The following SAMM50 variants were observed in gnomAD, a reference collection of about 807,000 sequenced individuals.
The protein encoded by SAMM50 is sorting and assembly machinery component 50 homolog.
A neutral mutation model predicts 66.9 loss-of-function variants in SAMM50; 47 were observed. The observed-to-expected ratio is 0.70, with a 90% confidence interval of 0.56 to 0.90. SAMM50 has a LOEUF of 0.90. Among genes scored for constraint, SAMM50 ranks in the 40% least tolerant of loss-of-function variants. SAMM50 has a pLI of 0.00. For synonymous variants in SAMM50, 191 were observed against 214.1 expected, an observed-to-expected ratio of 0.89 and a Z score of 0.94; for missense variants, 535 against 595.3, an observed-to-expected ratio of 0.90 and a Z score of 1.05.
At chr22:43,984,149 G>A (rs1042946127) in intron 12 of SAMM50, 149 bp downstream of exon 12, 2 of 616,778 alleles carry the variant, frequency 3.2e-6, no homozygotes, top group Non-Finnish European at 2.7e-6. Context: ...CCATGTAGCA[G>A]GTGTAGAACA....
chr22:43,996,461 C>T lies in SAMM50; in HGVS notation c.*78C>T, dbSNP rs937718666. On this transcript the variant is annotated 3_prime_UTR_variant, in exon 15 of 15. Coordinates refer to ENST00000350028, the MANE Select transcript of SAMM50 (RefSeq NM_015380.5). Reference sequence around the variant, plus strand: ...TGCCACACACCGTCTCTCGAGGAAACGCGGTTCAGCGATTCTTTGACTGCG... The same window carrying T: ...TGCCACACACCGTCTCTCGAGGAAATGCGGTTCAGCGATTCTTTGACTGCG... 4.5e-6 allele frequency: 6 copies of T among 1,347,206 alleles called. No homozygotes were observed. The highest frequency in any genetic ancestry group is 1.8e-4 in the Middle Eastern group (1 of 5,574). The allele number at this position is 1,347,206 out of a possible 1,614,324, so 83.5% of individuals were successfully genotyped here.
chr22:43,995,969 C>A (rs533359652), intron 14 of SAMM50, among the ~76,000 whole-genome samples: 77 of 152,310 alleles, frequency 5.1e-4, no homozygotes, highest in African/African-American at 1.8e-3. Context: ...TGCCTCTCCT[C>A]CATCCTCACT....
intron 14 of SAMM50, among the ~76,000 whole-genome samples, chr22:43,994,099 G>C (rs530087472): frequency 6.6e-6 from 1 of 152,134 alleles, no homozygotes; most frequent in African/African-American, 2.4e-5. Context: ...TGCTGAGAGG[G>C]CCCCCTGGAG....
At chr22:43,989,298 G>C in intron 13 of SAMM50, 41 bp downstream of exon 13, 1 of 1,556,498 alleles carries the variant, frequency 6.4e-7, no homozygotes, top group Non-Finnish European at 8.8e-7. Flanking sequence ...TAGTACAGTT[G>C]TTTTCATGTT....
chr22:43,960,665 GT>G (rs2050143215), intron 1 of SAMM50, among the ~76,000 whole-genome samples: 1 of 152,126 alleles, frequency 6.6e-6, no homozygotes, highest in African/African-American at 2.4e-5. Context: ...GGAGGTGGAG[GT>G]TGCAGTGAGC....
At chr22:43,964,373 C>A in intron 2 of SAMM50, 79 bp from the exon 3 acceptor site, 1 of 685,118 alleles carries the variant, frequency 1.5e-6, no homozygotes, top group Non-Finnish European at 2.6e-6. Flanking sequence ...ATTAATTAAA[C>A]CTTGACATTG....
chr22:43,981,424 G>T lies in SAMM50; in HGVS notation c.970G>T (p.Val324Leu). 1 of 1,613,758 alleles carries T rather than the reference G, an allele frequency of 6.2e-7. No individual in the cohort carries two copies. The highest frequency in any genetic ancestry group is 8.5e-7 in the Non-Finnish European group (1 of 1,179,708). ...AGCGTCTTTCTGGGGCGGAATGTTG[G>T]TACCCATTGGTGATAAGCCGTCAAG... is the stretch of plus-strand genomic sequence containing the variant. ...FSASFWGGML[V>L]PIGDKPSSIA... Residue 324 changes from valine (V) to leucine (L), a missense_variant, in exon 11 of 15, where the codon GTA becomes TTA. By Grantham distance (32) the Val-to-Leu change is conservative (BLOSUM62 1). Transcript: ENST00000350028.
At chr22:43,980,561 G>A (rs922184615) in intron 10 of SAMM50, among the ~76,000 whole-genome samples, 4 of 151,928 alleles carry the variant, frequency 2.6e-5, no homozygotes, top group Non-Finnish European at 4.4e-5. Context: ...CTTGGAGGCC[G>A]GATGTGGGCT....
rs1489563907 is a variant in SAMM50 at position 43,976,166 on chromosome 22, C to T, written c.760C>T (p.Leu254=). The stretch of plus-strand genomic sequence containing the variant: ...TGTTCGAAAAGAAAGCGGACATTCA[C>T]TGAAATCATCTCTTTCGGTAACGGT... ...FAVRKESGHS[L]KSSLSHAMVI... The change falls in exon 8 of 15, where the codon CTG becomes TTG. Residue 254 remains leucine (L), a synonymous_variant. Transcript: ENST00000350028. 1.2e-6 allele frequency: 2 copies of T among 1,605,674 alleles called. No individual in the cohort carries two copies. Among genetic ancestry groups the T allele is most frequent in the Non-Finnish European group, 1.7e-6 (2 of 1,172,950 alleles).
chr22:43,989,005 G>T, intron 12 of SAMM50, 106 bp from the exon 13 acceptor site: 1 of 1,090,096 alleles, frequency 9.2e-7, no homozygotes. Context: ...AGCACTGTGT[G>T]GCGTTGTTTA....
rs1424718933 is a variant in SAMM50, at chr22:43,983,094, G to A, written c.1008-839G>A. ...AAAAAATTCATAAAGGCTTTTATTT[G>A]GTAGGAAAACCAGAAAAAGCCGCGC... On this transcript the variant is annotated intron_variant, in intron 11 of 14. Transcript: ENST00000350028. This position sits in a 1 kb window ranked among gnomAD's most constrained non-coding sequence, Gnocchi z 4.2. Among the ~76,000 whole-genome samples the A allele has an allele frequency of 6.6e-6, 1 of 152,152 alleles. No individual in the cohort carries two copies. The highest frequency in any genetic ancestry group is 1.5e-5 in the Non-Finnish European group (1 of 68,026).
At chr22:43,984,398 C>T (rs1381193369) in intron 12 of SAMM50, among the ~76,000 whole-genome samples, 1 of 151,976 alleles carries the variant, frequency 6.6e-6, no homozygotes, top group African/African-American at 2.4e-5. Flanking sequence ...CCGCAACCTC[C>T]GCCTCCTGGG....
At chr22:43,994,166 ACG>A (rs891533209) in intron 14 of SAMM50, among the ~76,000 whole-genome samples, 1 of 152,210 alleles carries the variant, frequency 6.6e-6, no homozygotes, top group Non-Finnish European at 1.5e-5. Context: ...TGCAGAAGAC[ACG>A]CAGGGACAGT....
chr22:43,964,640 C>A, intron 3 of SAMM50, 87 bp downstream of exon 3: 1 of 709,874 alleles, frequency 1.4e-6, no homozygotes, highest in Non-Finnish European at 2.4e-6. Flanking sequence ...GAGCACCCTG[C>A]GCCCGGCCTC....
At chr22:43,981,353 T>C (rs375230725) in intron 10 of SAMM50, 38 bp from the exon 11 acceptor site, 106 of 1,539,670 alleles carry the variant, frequency 6.9e-5, no homozygotes, top group Non-Finnish European at 9.2e-5. Context: ...GTGAAAGGAA[T>C]GCTGGGAGAA....
chr22:43,975,102 A>G (rs1173677547), intron 7 of SAMM50: 1 of 152,242 alleles, frequency 6.6e-6, no homozygotes, highest in Non-Finnish European at 1.5e-5. Context: ...GAAGCTCTAC[A>G]CCTCCCGTAG....
At chr22:43,988,200 G>C (rs1189168287) in intron 12 of SAMM50, 2 of 152,166 alleles carry the variant, frequency 1.3e-5, no homozygotes, top group African/African-American at 4.8e-5. Context: ...CCTGCAATTT[G>C]TTCATTCTCT....
chr22:43,990,675 G>C (rs2050319509), intron 14 of SAMM50, among the ~76,000 whole-genome samples: 3 of 152,078 alleles, frequency 2.0e-5, no homozygotes, highest in Admixed American at 2.0e-4. Flanking sequence ...GCCAGGGTCT[G>C]GCTGGAGGAA....
At chr22:43,976,309 G>A (rs2050231686) in intron 8 of SAMM50, 126 bp downstream of exon 8, 2 of 1,148,964 alleles carry the variant, frequency 1.7e-6, no homozygotes, top group South Asian at 3.0e-5. Flanking sequence ...GTCCACAGTG[G>A]CGGCCCCCAC....
Sources: gnomAD v4.1 joint callset for allele counts (sites outside exome capture counted in the v4.1 genomes callset) on GRCh38, gnomAD v4.1.1 for gene constraint, Gnocchi (gnomAD v3.1) non-coding constraint, MANE v1.5 for transcripts, NCBI Gene and HGNC (gene_info 2026-07-23, HGNC 2026-07-21) for gene names.